IPO11: variants seen among roughly 807,000 people sequenced by gnomAD.
IPO11 encodes importin-11.
IPO11 carries 66 observed loss-of-function variants against 143.2 expected under a neutral mutation model. The ratio of observed to expected loss-of-function variants is 0.46; its 90% CI spans 0.38 to 0.57. The LOEUF is 0.57. IPO11 is among the 20% of genes least tolerant of loss of function. The pLI, the probability that IPO11 is intolerant of heterozygous loss-of-function variation, is 0.00. For synonymous variants in IPO11, 385 were observed against 377.8 expected (o/e 1.02, Z -0.22); for missense variants, 1,026 against 1,141.0 (o/e 0.90, Z 1.45).
chr5:62,461,985 G>A (rs115676894), intron 5 of IPO11, among the ~76,000 whole-genome samples: 288 of 152,246 alleles, frequency 1.9e-3, no homozygotes, highest in African/African-American at 6.6e-3. Flanking sequence ...TCAGATTTGA[G>A]ATATTTTAGC....
rs574016699 is a variant in IPO11 at position 62,565,775 on chromosome 5, C to T, written c.2582+4518C>T. 2.6e-3 allele frequency among the ~76,000 whole-genome samples: 390 copies of T among 151,932 alleles called. 1 individual carries two copies. The highest frequency in any genetic ancestry group is 9.1e-3 in the African/African-American group (377 of 41,416). Reference sequence around the variant, plus strand: ...TTGTCCTAATGCTCAACCTCCCCTCCCTCACCCCCTACCCCCCCAACTGGC... The same window carrying T: ...TTGTCCTAATGCTCAACCTCCCCTCTCTCACCCCCTACCCCCCCAACTGGC... On this transcript the variant is annotated intron_variant, in intron 27 of 29. Coordinates refer to ENST00000325324, the MANE Select transcript of IPO11 (RefSeq NM_016338.5).
chr5:62,568,574 CAAAAAAAAAAAA>C (rs66748975), intron 27 of IPO11, among the ~76,000 whole-genome samples: 4 of 51,896 alleles, frequency 7.7e-5, no homozygotes, highest in Admixed American at 2.9e-4. Flanking sequence ...ACTCTGTCTC[CAAAAAAAAAAAA>C]AAAAAAAAAA....
intron 1 of IPO11, chr5:62,418,743 A>G: frequency 7.7e-6 from 2 of 260,052 alleles, no homozygotes; most frequent in Non-Finnish European, 1.5e-5. Context: ...TACAAGGGAT[A>G]AGATACATTT....
intron 24 of IPO11, among the ~76,000 whole-genome samples, chr5:62,544,860 G>T (rs551567201): frequency 6.6e-6 from 1 of 152,244 alleles, no homozygotes; most frequent in South Asian, 2.1e-4. Flanking sequence ...GCTTCAAAGA[G>T]AATAAAATAC....
At chr5:62,551,907 C>T (rs1743400292) in intron 26 of IPO11, among the ~76,000 whole-genome samples, 1 of 152,034 alleles carries the variant, frequency 6.6e-6, no homozygotes, top group South Asian at 2.1e-4. Flanking sequence ...GGGTGGATCA[C>T]GAGGTCAGGA....
intron 19 of IPO11, among the ~76,000 whole-genome samples, chr5:62,514,305 G>C (rs946687328): frequency 1.1e-4 from 17 of 152,252 alleles, no homozygotes; most frequent in African/African-American, 4.1e-4. Flanking sequence ...GGGCACCATT[G>C]AGCACTGAGT....
At chr5:62,568,593 A>AAAAAAAAAATTC (rs1199624803) in intron 27 of IPO11, among the ~76,000 whole-genome samples, 11 of 150,870 alleles carry the variant, frequency 7.3e-5, no homozygotes, top group African/African-American at 2.7e-4. Context: ...AAAAAAAAAA[A>AAAAAAAAAATTC]AAAATTCAAT....
intron 26 of IPO11, chr5:62,560,831 TG>T (rs911235725): frequency 2.8e-5 from 5 of 179,610 alleles, no homozygotes; most frequent in Admixed American, 6.3e-5. Context: ...GAAAAATGCA[TG>T]TTTTTTTTAA....
At chr5:62,581,956 T>C (rs1744583842) in intron 27 of IPO11, among the ~76,000 whole-genome samples, 1 of 152,110 alleles carries the variant, frequency 6.6e-6, no homozygotes, top group African/African-American at 2.4e-5. Context: ...CTGAGTAACA[T>C]CGTGTCAGAG....
chr5:62,539,618 T>G (rs537703596), intron 24 of IPO11, among the ~76,000 whole-genome samples: 1 of 152,358 alleles, frequency 6.6e-6, no homozygotes, highest in South Asian at 2.1e-4. Flanking sequence ...TGTGGCTTGT[T>G]GAGACCCTGG....
At chr5:62,568,138 G>T (rs946405127) in intron 27 of IPO11, among the ~76,000 whole-genome samples, 1 of 150,920 alleles carries the variant, frequency 6.6e-6, no homozygotes, top group African/African-American at 2.4e-5. Context: ...GCTAATTTTT[G>T]TATTTTTTGT....
chr5:62,488,877 C>T (rs1043996541), intron 13 of IPO11, among the ~76,000 whole-genome samples: 1 of 152,096 alleles, frequency 6.6e-6, no homozygotes, highest in African/African-American at 2.4e-5. Flanking sequence ...GTGGTTAGTA[C>T]CTGTAGTCCT....
chr5:62,469,522 C>T (rs539287423), intron 6 of IPO11, among the ~76,000 whole-genome samples: 36 of 152,174 alleles, frequency 2.4e-4, no homozygotes, highest in African/African-American at 8.4e-4. Flanking sequence ...TTAATTTTGT[C>T]TCTTACACTG....
intron 27 of IPO11, among the ~76,000 whole-genome samples, chr5:62,570,236 G>T (rs1029090295): frequency 9.2e-5 from 14 of 152,020 alleles, no homozygotes; most frequent in African/African-American, 2.9e-4. Context: ...TTCATTGAAG[G>T]GTTATAATCA....
intron 27 of IPO11, chr5:62,580,723 GCGCTAA>G (rs1744519271): frequency 1.3e-6 from 2 of 1,551,358 alleles, no homozygotes; most frequent in Non-Finnish European, 1.7e-6. Flanking sequence ...CAAGACTACT[GCGCTAA>G]TGATGGCCTG....
chr5:62,485,285 C>A, intron 11 of IPO11, 134 bp from the exon 12 acceptor site: 1 of 659,860 alleles, frequency 1.5e-6, no homozygotes, highest in Non-Finnish European at 2.7e-6. Flanking sequence ...CTGTGTAAGG[C>A]CTGTGTTCCC....
chr5:62,493,506 T>G (rs1741020575), intron 15 of IPO11, among the ~76,000 whole-genome samples: 1 of 152,172 alleles, frequency 6.6e-6, no homozygotes, highest in Non-Finnish European at 1.5e-5. Flanking sequence ...TTTAATAATA[T>G]TTATTTAGAT....
chr5:62,502,138 C>T (rs1678394993), intron 16 of IPO11, among the ~76,000 whole-genome samples: 1 of 152,070 alleles, frequency 6.6e-6, no homozygotes, highest in Non-Finnish European at 1.5e-5. Flanking sequence ...CATTCATTTC[C>T]CTGTTTCTCT....
chr5:62,426,154 A>G (rs560978241), intron 1 of IPO11, among the ~76,000 whole-genome samples: 157 of 152,324 alleles, frequency 1.0e-3, no homozygotes, highest in African/African-American at 3.6e-3. Context: ...TGGGAGGCCA[A>G]GGCGGGTGGA....
Sources: allele counts gnomAD v4.1 joint callset (sites outside exome capture counted in the v4.1 genomes callset), GRCh38; gene constraint gnomAD v4.1.1; transcripts MANE v1.5; gene names NCBI Gene and HGNC (gene_info 2026-07-23, HGNC 2026-07-21).